The following ENOX1 variants were observed in gnomAD, a reference collection of about 807,000 sequenced individuals.
ENOX1 encodes the protein ecto-NOX disulfide-thiol exchanger 1, also known as candidate growth-related and time keeping constitutive hydroquinone (NADH) oxidase.
A neutral mutation model predicts 82.5 loss-of-function variants in ENOX1; 42 were observed. That is an observed-to-expected ratio of 0.51 (90% CI 0.40 to 0.66). ENOX1 has a LOEUF of 0.66. ENOX1 is among the 30% of genes least tolerant of loss of function. ENOX1 has a pLI of 0.00. For synonymous variants in ENOX1, 271 were observed against 282.2 expected, an observed-to-expected ratio of 0.96 and a Z score of 0.40; for missense variants, 608 against 811.6, an observed-to-expected ratio of 0.75 and a Z score of 3.05.
At chr13:43,689,760 T>C (rs185391258) in intron 1 of ENOX1, among the ~76,000 whole-genome samples, 16 of 152,326 alleles carry the variant, frequency 1.1e-4, no homozygotes, top group African/African-American at 3.4e-4. Flanking sequence ...ACATCTGTCG[T>C]TGTATACACA....
intron 2 of ENOX1, among the ~76,000 whole-genome samples, chr13:43,602,326 C>A (rs2153732293): frequency 6.6e-6 from 1 of 151,684 alleles, no homozygotes; most frequent in Middle Eastern, 3.4e-3. Flanking sequence ...CAATAGAAAA[C>A]CTGGCAAAAG....
intron 2 of ENOX1, among the ~76,000 whole-genome samples, chr13:43,559,954 A>C (rs959614080): frequency 6.6e-6 from 1 of 152,226 alleles, no homozygotes; most frequent in African/African-American, 2.4e-5. Flanking sequence ...TCAATGAACT[A>C]AGCAAGAACT....
intron 5 of ENOX1, among the ~76,000 whole-genome samples, chr13:43,400,583 G>A (rs913218451): frequency 6.6e-6 from 1 of 152,152 alleles, no homozygotes; most frequent in Non-Finnish European, 1.5e-5. Context: ...CCACCATAGT[G>A]TTATTCATAG....
intron 1 of ENOX1, among the ~76,000 whole-genome samples, chr13:43,765,823 C>T (rs965252497): frequency 6.6e-6 from 1 of 152,056 alleles, no homozygotes; most frequent in African/African-American, 2.4e-5. Flanking sequence ...CTTTTCACAT[C>T]GTTAGGTAAT....
chr13:43,592,433 T>C (rs1044943369), intron 2 of ENOX1, among the ~76,000 whole-genome samples: 2 of 152,212 alleles, frequency 1.3e-5, no homozygotes, highest in Non-Finnish European at 2.9e-5. Context: ...TAATTTAAAA[T>C]ACCATCATTG....
At chr13:43,625,854 T>C (rs2082940618) in intron 2 of ENOX1, among the ~76,000 whole-genome samples, 1 of 151,962 alleles carries the variant, frequency 6.6e-6, no homozygotes, top group African/African-American at 2.4e-5. Flanking sequence ...ACTAGCTTAA[T>C]AAAATAAATT....
intron 14 of ENOX1, 73 bp downstream of exon 14, chr13:43,265,325 A>C: frequency 7.7e-7 from 1 of 1,293,402 alleles, no homozygotes; most frequent in Admixed American, 2.0e-5. Context: ...TATGTGGTAG[A>C]TAAAGTGCTA....
intron 2 of ENOX1, among the ~76,000 whole-genome samples, chr13:43,553,787 G>T (rs1371938137): frequency 6.6e-6 from 1 of 152,024 alleles, no homozygotes; most frequent in Non-Finnish European, 1.5e-5. Flanking sequence ...CACTTTTGTT[G>T]CCCAGGCTGG....
chr13:43,635,988 G>C (rs902345058), intron 2 of ENOX1, among the ~76,000 whole-genome samples: 1 of 152,152 alleles, frequency 6.6e-6, no homozygotes, highest in East Asian at 1.9e-4. Context: ...ACCTTCTGGG[G>C]AAACGCAGCC....
Position 43,388,512 on chromosome 13 carries a change from G to C in ENOX1, c.208+23404C>G, listed in dbSNP as rs141413742. Reference sequence around the variant, plus strand: ...CTATATGTGGCTAGCACTGCACTAGGAAGTGTCTCTGCTCATAAACAGTGA... The same window carrying C: ...CTATATGTGGCTAGCACTGCACTAGCAAGTGTCTCTGCTCATAAACAGTGA... On this transcript the variant is annotated intron_variant, in intron 5 of 16. Transcript: ENST00000690772. Among the ~76,000 whole-genome samples the C allele has an allele frequency of 3.0e-4, 45 of 152,244 alleles. 1 individual carries two copies. The East Asian group carries it at 7.7e-3, about 26-fold the overall frequency.
intron 12 of ENOX1, among the ~76,000 whole-genome samples, chr13:43,280,508 G>A (rs1435306038): frequency 6.6e-6 from 1 of 152,222 alleles, no homozygotes; most frequent in African/African-American, 2.4e-5. Context: ...ATGTGTTGGA[G>A]TCCAGAGAGC....
chr13:43,499,871 G>A (rs1383233866), intron 2 of ENOX1, among the ~76,000 whole-genome samples: 2 of 151,982 alleles, frequency 1.3e-5, no homozygotes, highest in Non-Finnish European at 2.9e-5. Flanking sequence ...AAAATTAGAA[G>A]TTCAACAAAG....
At chr13:43,777,894 A>T (rs2153837911) in intron 1 of ENOX1, among the ~76,000 whole-genome samples, 1 of 152,348 alleles carries the variant, frequency 6.6e-6, no homozygotes, top group South Asian at 2.1e-4. Context: ...ATAAGTATGT[A>T]CATAATATCC....
chr13:43,344,627 C>T lies in ENOX1; in HGVS notation c.947G>A (p.Arg316Gln), dbSNP rs150644099. ...ATGGGTGGCTTTTTCATTCATTAGC[C>T]GGCGGACGTGGCTGTTGGCCGACTG... ...MVQSANSHVRRLMNEKATHEQ... is the reference protein window; with the variant it reads ...MVQSANSHVRQLMNEKATHEQ... The change falls in exon 9 of 17, where the codon CGG becomes CAG. Residue 316 changes from arginine to glutamine, a missense_variant. By Grantham distance (43) the Arg-to-Gln change is conservative. Transcript: ENST00000690772. 85 of 1,613,978 alleles carry T rather than the reference C, an allele frequency of 5.3e-5. No homozygotes were observed. The highest frequency in any genetic ancestry group is 3.3e-4 in the Middle Eastern group (2 of 6,084).
At chr13:43,460,526 C>T (rs9567195) in intron 3 of ENOX1, among the ~76,000 whole-genome samples, 24,740 of 151,896 alleles carry the variant, frequency 0.16, 2,153 homozygotes, top group East Asian at 0.31. Context: ...AGCTGCCGGG[C>T]TCAGTGGCTC....
At chr13:43,781,803 G>A (rs1237821808) in intron 1 of ENOX1, among the ~76,000 whole-genome samples, 1 of 152,162 alleles carries the variant, frequency 6.6e-6, no homozygotes, top group Non-Finnish European at 1.5e-5. Context: ...GAGCCACCGC[G>A]CCCGGCCTTG....
intron 1 of ENOX1, among the ~76,000 whole-genome samples, chr13:43,702,272 A>C (rs1284069520): frequency 6.6e-6 from 1 of 152,236 alleles, no homozygotes; most frequent in Non-Finnish European, 1.5e-5. Flanking sequence ...GTTTAAATAG[A>C]TAGATAAATA....
intron 9 of ENOX1, among the ~76,000 whole-genome samples, chr13:43,327,188 G>A (rs954932828): frequency 6.6e-6 from 1 of 152,122 alleles, no homozygotes; most frequent in Non-Finnish European, 1.5e-5. Flanking sequence ...ACAGACCAAA[G>A]CTCACCCAAC....
intron 1 of ENOX1, among the ~76,000 whole-genome samples, chr13:43,779,462 C>A (rs925439292): frequency 7.9e-5 from 12 of 152,148 alleles, no homozygotes; most frequent in African/African-American, 2.7e-4. Context: ...CTAAGCTTCC[C>A]CACACACGGG....
Sources: gnomAD v4.1 joint callset for allele counts (sites outside exome capture counted in the v4.1 genomes callset) on GRCh38, gnomAD v4.1.1 for gene constraint, MANE v1.5 for transcripts, NCBI Gene and HGNC (gene_info 2026-07-23, HGNC 2026-07-21) for gene names.